The following KAT6A variants were observed in gnomAD, a reference collection of about 807,000 sequenced individuals.
KAT6A encodes histone acetyltransferase KAT6A.
KAT6A carries 9 observed loss-of-function variants against 198.4 expected under a neutral mutation model. The observed-to-expected ratio is 0.05, with a 90% CI of 0.03 to 0.08. The LOEUF is 0.08. KAT6A is among the 10% of genes least tolerant of loss of function. The pLI, the probability that KAT6A is intolerant of heterozygous loss-of-function variation, is 1.00. For synonymous variants in KAT6A, 890 were observed against 883.0 expected, an observed-to-expected ratio of 1.01 and a Z score of -0.14; for missense variants, 2,077 against 2,509.9, an observed-to-expected ratio of 0.83 and a Z score of 3.69.
intron 2 of KAT6A, among the ~76,000 whole-genome samples, chr8:41,996,188 C>T (rs1488948845): frequency 6.6e-6 from 1 of 152,136 alleles, no homozygotes; most frequent in Non-Finnish European, 1.5e-5. Context: ...TATAATTTGT[C>T]ACCACTGAAA....
intron 15 of KAT6A, among the ~76,000 whole-genome samples, 194 bp downstream of exon 15, chr8:41,940,645 AAAG>A (rs1334686342): frequency 2.6e-5 from 4 of 152,220 alleles, no homozygotes; most frequent in Non-Finnish European, 5.9e-5. Flanking sequence ...CCCATGAATC[AAAG>A]AAGTCAAACA....
At chr8:41,973,643 T>C (rs1392594642) in intron 8 of KAT6A, among the ~76,000 whole-genome samples, 1 of 152,166 alleles carries the variant, frequency 6.6e-6, no homozygotes, top group African/African-American at 2.4e-5. Flanking sequence ...ATCTAGCCCC[T>C]GCACTTTTCC....
At position 41,937,520 on chromosome 8, in the gene KAT6A, T is replaced by C. The variant is rs1036663682; in HGVS notation, c.3088A>G (p.Asn1030Asp). ...RRRVRKRKHH[N>D]SSVVTETISE... ...ATAGTTTCTGTGACTACACTGCTATTGTGGTGTTTGCGCTTTCGGACTCTC... is the reference window on the plus strand; with the variant it reads ...ATAGTTTCTGTGACTACACTGCTATCGTGGTGTTTGCGCTTTCGGACTCTC... Residue 1030 changes from asparagine to aspartate, a missense_variant, in exon 16 of 17, where the codon AAT becomes GAT. Transcript: ENST00000265713. The C allele has an allele frequency of 6.2e-7, 1 of 1,613,988 alleles. No homozygotes were observed. Among genetic ancestry groups the C allele is most frequent in the Non-Finnish European group, 8.5e-7 (1 of 1,179,966 alleles).
intron 2 of KAT6A, among the ~76,000 whole-genome samples, chr8:42,003,857 C>T (rs1010001339): frequency 2.0e-5 from 3 of 152,124 alleles, no homozygotes; most frequent in Admixed American, 1.3e-4. Context: ...GAGAAAAGCT[C>T]GTGTGGACAC....
intron 15 of KAT6A, among the ~76,000 whole-genome samples, chr8:41,940,538 G>A (rs191937835): frequency 4.2e-4 from 64 of 152,210 alleles, no homozygotes; most frequent in Admixed American, 9.2e-4. Context: ...GCCCCTAAAA[G>A]TCATGATTTG....
chr8:42,041,214 C>A (rs990277529), intron 2 of KAT6A, among the ~76,000 whole-genome samples: 17 of 138,380 alleles, frequency 1.2e-4, no homozygotes, highest in African/African-American at 4.6e-4. Flanking sequence ...AAAAAAAAAA[C>A]TGTGCAGCTG....
intron 2 of KAT6A, among the ~76,000 whole-genome samples, chr8:41,988,899 A>G (rs955668763): frequency 6.6e-6 from 1 of 152,206 alleles, no homozygotes; most frequent in African/African-American, 2.4e-5. Flanking sequence ...AAAACCCTCA[A>G]GATGCATTCA....
intron 15 of KAT6A, 134 bp downstream of exon 15, chr8:41,940,708 C>T (rs1009046043): frequency 9.3e-7 from 1 of 1,080,714 alleles, no homozygotes; most frequent in East Asian, 2.4e-5. Context: ...CTACAATATA[C>T]AGAGGCTTAA....
intron 7 of KAT6A, among the ~76,000 whole-genome samples, chr8:41,976,656 A>C (rs1824068807): frequency 6.6e-6 from 1 of 152,202 alleles, no homozygotes; most frequent in South Asian, 2.1e-4. Flanking sequence ...TCCTGGAATA[A>C]GCAGGCATCA....
chr8:42,014,965 T>C (rs1018435294), intron 2 of KAT6A, among the ~76,000 whole-genome samples: 4 of 152,236 alleles, frequency 2.6e-5, no homozygotes, highest in African/African-American at 9.6e-5. Flanking sequence ...TTCAGTTCTC[T>C]AAGGAGCTGA....
At chr8:42,033,692 G>A (rs1827239921) in intron 2 of KAT6A, among the ~76,000 whole-genome samples, 1 of 151,984 alleles carries the variant, frequency 6.6e-6, no homozygotes, top group African/African-American at 2.4e-5. Context: ...TACTTCATCA[G>A]AGCACTTATC....
chr8:41,937,227 C>A (rs780153935), intron 16 of KAT6A, 29 bp downstream of exon 16: 1 of 1,561,292 alleles, frequency 6.4e-7, no homozygotes, highest in Admixed American at 1.7e-5. Flanking sequence ...AGACAATAAA[C>A]CACAGTAAGT....
intron 2 of KAT6A, among the ~76,000 whole-genome samples, chr8:42,036,526 T>C (rs1051052958): frequency 7.2e-5 from 11 of 151,906 alleles, no homozygotes; most frequent in African/African-American, 2.2e-4. Flanking sequence ...GGCAGAAGAA[T>C]CGCTTGAACC....
rs773472888 is a variant in KAT6A at position 41,931,898 on chromosome 8, T to C, written c.*307A>G. ...ACACAAATTCTGTCCATGTGGTATG[T>C]AAAGAAAGTAAGGCTCTTTTTAATT... On this transcript the variant is annotated 3_prime_UTR_variant, in exon 17 of 17. Coordinates refer to ENST00000265713, the MANE Select transcript of KAT6A (RefSeq NM_006766.5). 39 of 263,136 alleles carry C rather than the reference T, an allele frequency of 1.5e-4. No homozygotes were observed. Among genetic ancestry groups the C allele is most frequent in the Non-Finnish European group, 2.2e-4 (31 of 139,986 alleles). 16.3% of individuals were successfully genotyped at this position (263,136 alleles called of 1,614,324 possible).
intron 4 of KAT6A, 133 bp downstream of exon 4, chr8:41,981,704 TAA>T (rs1186266070): frequency 3.2e-6 from 2 of 622,722 alleles, no homozygotes; most frequent in Non-Finnish European, 5.9e-6. Context: ...ACATGTAGTT[TAA>T]AGAGACTACC....
chr8:42,003,859 T>C (rs1178785348), intron 2 of KAT6A, among the ~76,000 whole-genome samples: 1 of 152,156 alleles, frequency 6.6e-6, no homozygotes, highest in Admixed American at 6.5e-5. Context: ...GAAAAGCTCG[T>C]GTGGACACAG....
intron 7 of KAT6A, 35 bp from the exon 8 acceptor site, chr8:41,974,857 C>A: frequency 7.5e-7 from 1 of 1,329,214 alleles, no homozygotes; most frequent in East Asian, 2.3e-5. Flanking sequence ...TGTTAACTGT[C>A]CCCAGATTAA....
Position 41,934,107 on chromosome 8 carries a change from C to G in KAT6A, c.4113G>C (p.Leu1371=), listed in dbSNP as rs772915332. ...EKIKDKEETE[L]DSEEEQPSHD... Reference sequence around the variant, plus strand: ...GGGAAGGCTGCTCCTCTTCGGAATCCAGCTCGGTTTCCTCTTTATCCTTTA... The same window carrying G: ...GGGAAGGCTGCTCCTCTTCGGAATCGAGCTCGGTTTCCTCTTTATCCTTTA... Residue 1371 remains leucine, a synonymous_variant, in exon 17 of 17, where the codon CTG becomes CTC. Coordinates refer to ENST00000265713, the MANE Select transcript of KAT6A (RefSeq NM_006766.5). The G allele has an allele frequency of 1.6e-5, 26 of 1,614,010 alleles. No homozygotes were observed. Among genetic ancestry groups the G allele is most frequent in the African/African-American group, 2.7e-5 (2 of 74,928 alleles).
At chr8:41,956,574 G>A (rs1409631613) in intron 8 of KAT6A, among the ~76,000 whole-genome samples, 2 of 152,112 alleles carry the variant, frequency 1.3e-5, no homozygotes, top group African/African-American at 4.8e-5. Flanking sequence ...TAACTCATTA[G>A]AGACCTTCTG....
Sources: gnomAD v4.1 joint callset for allele counts (sites outside exome capture counted in the v4.1 genomes callset) on GRCh38, gnomAD v4.1.1 for gene constraint, MANE v1.5 for transcripts, NCBI Gene and HGNC (gene_info 2026-07-23, HGNC 2026-07-21) for gene names.